EDIL3: variants seen among roughly 807,000 people sequenced by gnomAD.
The protein encoded by EDIL3 is EGF like and discoidin domains 3, also known as EGF-like repeat and discoidin I-like domain-containing protein 3.
EDIL3 carries 37 observed loss-of-function variants against 67.4 expected under a neutral mutation model. That is an observed-to-expected ratio of 0.55 (90% CI 0.42 to 0.72). EDIL3 has a LOEUF of 0.72. EDIL3 is among the 30% of genes least tolerant of loss of function. The pLI is 0.00. For synonymous variants in EDIL3, 195 were observed against 196.3 expected, an observed-to-expected ratio of 0.99 and a Z score of 0.05; for missense variants, 527 against 586.3, an observed-to-expected ratio of 0.90 and a Z score of 1.04.
intron 1 of EDIL3, among the ~76,000 whole-genome samples, chr5:84,363,234 C>T (rs923261252): frequency 1.3e-5 from 2 of 151,816 alleles, no homozygotes; most frequent in Middle Eastern, 3.4e-3. Flanking sequence ...TGAGGCAGGT[C>T]GATCAGGAGG....
At chr5:84,325,379 A>T (rs1351865030) in intron 1 of EDIL3, among the ~76,000 whole-genome samples, 12 of 152,008 alleles carry the variant, frequency 7.9e-5, no homozygotes, top group Admixed American at 7.9e-4. Context: ...AAACACATGA[A>T]ACAATGCTCA....
At chr5:84,105,929 T>C (rs1443248270) in intron 6 of EDIL3, among the ~76,000 whole-genome samples, 1 of 152,078 alleles carries the variant, frequency 6.6e-6, no homozygotes, top group Non-Finnish European at 1.5e-5. Flanking sequence ...CTCCCTTTAG[T>C]ACACATCAAT....
intron 1 of EDIL3, among the ~76,000 whole-genome samples, chr5:84,343,682 T>C (rs1747173165): frequency 6.6e-6 from 1 of 152,106 alleles, no homozygotes; most frequent in African/African-American, 2.4e-5. Flanking sequence ...GCTATACATG[T>C]ATTTATTCTG....
intron 10 of EDIL3, among the ~76,000 whole-genome samples, chr5:83,962,500 GA>G (rs1362425129): frequency 1.3e-5 from 2 of 151,454 alleles, no homozygotes; most frequent in African/African-American, 4.8e-5. Flanking sequence ...TAGATACTAT[GA>G]AAAGATGCTC....
At chr5:84,271,768 T>C (rs758408270) in intron 1 of EDIL3, among the ~76,000 whole-genome samples, 3 of 152,194 alleles carry the variant, frequency 2.0e-5, no homozygotes, top group Non-Finnish European at 4.4e-5. Flanking sequence ...AATTCAATTT[T>C]AGTAACTTTA....
chr5:84,063,740 A>G (rs907000257), intron 8 of EDIL3, among the ~76,000 whole-genome samples: 1 of 152,184 alleles, frequency 6.6e-6, no homozygotes, highest in African/African-American at 2.4e-5. Context: ...TTGTTCTCCT[A>G]TTTTTAATTA....
At chr5:84,207,920 G>A (rs1276187318) in intron 3 of EDIL3, among the ~76,000 whole-genome samples, 3 of 152,024 alleles carry the variant, frequency 2.0e-5, no homozygotes, top group East Asian at 1.9e-4. Flanking sequence ...ACACTTAAAC[G>A]TTAGACCTAA....
chr5:84,312,470 C>A (rs1346257984), intron 1 of EDIL3, among the ~76,000 whole-genome samples: 2 of 148,116 alleles, frequency 1.4e-5, no homozygotes, highest in African/African-American at 5.0e-5. Context: ...GGCAGAGGCG[C>A]TCCTCACCTC....
rs1047814787 is a variant in EDIL3, at chr5:84,064,792, G to A, written c.860C>T (p.Pro287Leu). The A allele has an allele frequency of 2.5e-6, 4 of 1,613,362 alleles. No individual in the cohort carries two copies. In the African/African-American group the frequency reaches 4.0e-5, roughly 16 times the overall value. ...NNTPYANSFT[P>L]PIKAQYVRLY... is the part of the protein sequence containing the mutation. ...TCTTACATACTGAGCTTTTATGGGG[G>A]GTGTGAAAGAGTTAGCATATGGAGT... is the stretch of plus-strand genomic sequence containing the variant. Residue 287 changes from proline to leucine, a missense_variant, in exon 8 of 11, where the codon CCC (proline) becomes CTC (leucine). Pro to Leu is a moderately conservative substitution (Grantham distance 98, BLOSUM62 -3). Coordinates refer to ENST00000296591, the MANE Select transcript of EDIL3 (RefSeq NM_005711.5).
chr5:84,056,349 A>T (rs1345372047), intron 9 of EDIL3, among the ~76,000 whole-genome samples: 1 of 152,102 alleles, frequency 6.6e-6, no homozygotes, highest in African/African-American at 2.4e-5. Flanking sequence ...GAGGTATACC[A>T]TTAGGAGACA....
chr5:84,047,877 T>G (rs1214559795), intron 9 of EDIL3: 1 of 152,540 alleles, frequency 6.6e-6, no homozygotes, highest in Non-Finnish European at 1.5e-5. Context: ...TCAATTTTGT[T>G]TTGTTTATAA....
intron 2 of EDIL3, among the ~76,000 whole-genome samples, chr5:84,240,490 G>A (rs1202368566): frequency 2.6e-5 from 4 of 152,098 alleles, no homozygotes; most frequent in Non-Finnish European, 5.9e-5. Context: ...TTAGAAACCC[G>A]GCTGCACAAC....
intron 4 of EDIL3, among the ~76,000 whole-genome samples, chr5:84,141,926 C>CACAT (rs766580484): frequency 1.6e-5 from 2 of 124,928 alleles, no homozygotes; most frequent in African/African-American, 6.7e-5. Flanking sequence ...TATATATACA[C>CACAT]ATATATATAT....
chr5:84,137,167 A>ATG (rs967869465), intron 5 of EDIL3, 74 bp downstream of exon 5: 4 of 1,002,196 alleles, frequency 4.0e-6, no homozygotes, highest in South Asian at 1.7e-5. Flanking sequence ...GCATACATAT[A>ATG]TGTGTGTGTG....
chr5:84,250,230 C>T (rs1365829253), intron 2 of EDIL3, among the ~76,000 whole-genome samples: 2 of 152,142 alleles, frequency 1.3e-5, no homozygotes, highest in East Asian at 3.9e-4. Context: ...CTGCCATTTT[C>T]AGATATCAGA....
intron 1 of EDIL3, among the ~76,000 whole-genome samples, chr5:84,293,001 T>C (rs1279735462): frequency 1.3e-5 from 2 of 152,154 alleles, no homozygotes; most frequent in African/African-American, 4.8e-5. Context: ...TTATCTCCCT[T>C]ATAAGGTTAT....
At chr5:84,346,138 T>C (rs971042769) in intron 1 of EDIL3, among the ~76,000 whole-genome samples, 1 of 146,426 alleles carries the variant, frequency 6.8e-6, no homozygotes, top group Non-Finnish European at 1.5e-5. Flanking sequence ...TTTTTTTCTT[T>C]TTTTTTTTTT....
intron 9 of EDIL3, among the ~76,000 whole-genome samples, chr5:84,003,771 T>C: frequency 6.6e-6 from 1 of 152,108 alleles, no homozygotes; most frequent in East Asian, 1.9e-4. Flanking sequence ...TGATCGAGTC[T>C]ACCTAACAAT....
At chr5:84,087,360 A>G (rs1747091979) in intron 6 of EDIL3, among the ~76,000 whole-genome samples, 2 of 152,210 alleles carry the variant, frequency 1.3e-5, no homozygotes, top group African/African-American at 2.4e-5. Context: ...GTGACAGTCA[A>G]TGGCCAGTAG....
Sources: gnomAD v4.1 joint callset for allele counts (sites outside exome capture counted in the v4.1 genomes callset) on GRCh38, gnomAD v4.1.1 for gene constraint, MANE v1.5 for transcripts, NCBI Gene and HGNC (gene_info 2026-07-23, HGNC 2026-07-21) for gene names.